The following PIK3C2G variants were observed in gnomAD, a reference collection of about 807,000 sequenced individuals.
The protein encoded by PIK3C2G is phosphatidylinositol-4-phosphate 3-kinase catalytic subunit type 2 gamma.
In PIK3C2G, 168 loss-of-function variants were observed where a neutral mutation model predicts 181.1. The ratio of observed to expected loss-of-function variants is 0.93; its 90% CI spans 0.82 to 1.05. PIK3C2G has a LOEUF of 1.05. Among genes scored for constraint, PIK3C2G ranks in the 50% least tolerant of loss-of-function variants. The probability of loss-of-function intolerance (pLI) is 0.00; values close to 1 mark genes in which losing one functional copy is unlikely to be tolerated. For synonymous variants in PIK3C2G, 573 were observed against 592.2 expected, an observed-to-expected ratio of 0.97 and a Z score of 0.47; for missense variants, 1,869 against 1,732.8, an observed-to-expected ratio of 1.08 and a Z score of -1.40.
At chr12:18,661,029 G>A in the PIK3C2G span, among the ~76,000 whole-genome samples, 1 of 152,090 alleles carries the variant, frequency 6.6e-6, no homozygotes, top group Admixed American at 6.6e-5. Context: ...AAATTCACTA[G>A]AAGAATTGAA....
intron 12 of PIK3C2G, chr12:18,363,165 G>C (rs1319027856): frequency 5.0e-6 from 1 of 201,456 alleles, no homozygotes; most frequent in Non-Finnish European, 9.9e-6. Context: ...TTCACACACT[G>C]TGCATATCAG....
intron 18 of PIK3C2G, among the ~76,000 whole-genome samples, chr12:18,459,819 T>A (rs532948917): frequency 6.6e-6 from 1 of 152,298 alleles, no homozygotes; most frequent in African/African-American, 2.4e-5. Flanking sequence ...TGGAGTGCAG[T>A]GGCCCAATCT....
chr12:18,437,173 T>C (rs1946495928), intron 18 of PIK3C2G, among the ~76,000 whole-genome samples: 1 of 151,972 alleles, frequency 6.6e-6, no homozygotes, highest in African/African-American at 2.4e-5. Context: ...ATCTTAATTT[T>C]TTGTATCTTT....
intron 18 of PIK3C2G, among the ~76,000 whole-genome samples, chr12:18,437,288 A>C (rs1946501499): frequency 1.3e-5 from 2 of 152,024 alleles, no homozygotes; most frequent in Non-Finnish European, 2.9e-5. Flanking sequence ...ATTTATAAGA[A>C]AATGACAGTT....
chr12:18,572,347 A>G (rs1945992196), intron 29 of PIK3C2G, among the ~76,000 whole-genome samples: 1 of 147,810 alleles, frequency 6.8e-6, no homozygotes, highest in African/African-American at 2.5e-5. Context: ...ATTATATAAA[A>G]TATATATAAA....
intron 7 of PIK3C2G, among the ~76,000 whole-genome samples, chr12:18,324,831 G>A (rs7970755): frequency 0.042 from 6,318 of 152,192 alleles, 466 homozygotes; most frequent in African/African-American, 0.15. Context: ...AAGACTTTCA[G>A]ATATGTTTGT....
chr12:18,339,393 G>A (rs773887064), intron 9 of PIK3C2G, among the ~76,000 whole-genome samples: 5 of 152,052 alleles, frequency 3.3e-5, no homozygotes, highest in Non-Finnish European at 5.9e-5. Flanking sequence ...GTATTTTAAT[G>A]TTCATTTCAC....
intron 18 of PIK3C2G, among the ~76,000 whole-genome samples, chr12:18,460,569 G>A (rs900057911): frequency 1.1e-4 from 17 of 147,896 alleles, no homozygotes; most frequent in Non-Finnish European, 2.1e-4. Context: ...GCAAGACTCC[G>A]TCTCAAAAAA....
the PIK3C2G span, chr12:18,712,774 T>G: frequency 6.4e-7 from 1 of 1,561,562 alleles, no homozygotes. Flanking sequence ...CATTATAGGA[T>G]TTTGAAGCAA....
chr12:18,642,031 G>A (rs1217868030), intron 32 of PIK3C2G, among the ~76,000 whole-genome samples: 3 of 152,140 alleles, frequency 2.0e-5, no homozygotes, highest in African/African-American at 7.2e-5. Flanking sequence ...TTACAGGCGT[G>A]AGCCACCATG....
At chr12:18,439,588 G>A (rs1349203286) in intron 18 of PIK3C2G, among the ~76,000 whole-genome samples, 1 of 151,984 alleles carries the variant, frequency 6.6e-6, no homozygotes, top group African/African-American at 2.4e-5. Flanking sequence ...ACTCATGTAT[G>A]TATCTGGGGT....
In PIK3C2G at chr12:18,281,772, G is replaced by T. The variant is rs572963158; in HGVS notation, c.-78-232G>T. 7.4e-4 allele frequency among the ~76,000 whole-genome samples: 112 copies of T among 152,066 alleles called. No homozygotes were observed. The South Asian group carries it at 0.021, about 28-fold the overall frequency. On this transcript the variant is annotated intron_variant, in intron 1 of 32. Transcript: ENST00000538779. ...ATGAAACTTTCATTAAAATTGACGT[G>T]AACTTATTTTTCTATCACAGGAGTT... is the stretch of plus-strand genomic sequence containing the variant.
Position 18,376,104 on chromosome 12 carries a change from A to G in PIK3C2G, c.1880+4793A>G, listed in dbSNP as rs183836014. On this transcript the variant is annotated intron_variant, in intron 13 of 32. Coordinates refer to ENST00000538779, the MANE Select transcript of PIK3C2G (RefSeq NM_001288772.2). ...AAATATGGGGTTGGATTCCTCACAG[A>G]GTCCTTACTGGGGCACTGCATAGTA... Among the ~76,000 whole-genome samples, 3 of 152,322 alleles carry G rather than the reference A, an allele frequency of 2.0e-5. No homozygotes were observed. In the East Asian group the frequency reaches 5.8e-4, roughly 29 times the overall value.
chr12:18,425,942 A>C (rs2135730241), intron 18 of PIK3C2G, among the ~76,000 whole-genome samples: 1 of 152,328 alleles, frequency 6.6e-6, no homozygotes. Context: ...TTGGATAAAT[A>C]ACTTGAATGC....
chr12:18,574,939 A>C (rs1198008478), intron 29 of PIK3C2G, among the ~76,000 whole-genome samples: 1 of 152,200 alleles, frequency 6.6e-6, no homozygotes, highest in Non-Finnish European at 1.5e-5. Context: ...GAAATTTAAA[A>C]ATATATCAAT....
intron 1 of PIK3C2G, among the ~76,000 whole-genome samples, chr12:18,265,003 T>C (rs1183800639): frequency 6.6e-6 from 1 of 152,240 alleles, no homozygotes; most frequent in Non-Finnish European, 1.5e-5. Context: ...CTTAGAGTCT[T>C]CATGATAACA....
intron 16 of PIK3C2G, among the ~76,000 whole-genome samples, chr12:18,408,183 T>G (rs1336510480): frequency 6.6e-6 from 1 of 152,144 alleles, no homozygotes; most frequent in Non-Finnish European, 1.5e-5. Flanking sequence ...CTTCTAGGGT[T>G]TTTATGGTTT....
rs552704015 is a variant in PIK3C2G, at chr12:18,510,465, G to A, written c.3323+5004G>A. Among the ~76,000 whole-genome samples, 23 of 152,252 alleles carry A rather than the reference G, an allele frequency of 1.5e-4. No individual in the cohort carries two copies. In the East Asian group the frequency reaches 4.1e-3, roughly 27 times the overall value. ...GATAATTACATGCTCTCATAAAGCA[G>A]GAGAAATTGAGAAAAACATTTATTA... On this transcript the variant is annotated intron_variant, in intron 24 of 32. Coordinates refer to ENST00000538779, the MANE Select transcript of PIK3C2G (RefSeq NM_001288772.2).
the PIK3C2G span, among the ~76,000 whole-genome samples, chr12:18,673,911 G>C: frequency 1.3e-5 from 2 of 152,276 alleles, no homozygotes; most frequent in African/African-American, 4.8e-5. Flanking sequence ...ATCATAGTGT[G>C]CAAGCCAAGA....
Sources: allele counts gnomAD v4.1 joint callset (sites outside exome capture counted in the v4.1 genomes callset), GRCh38; gene constraint gnomAD v4.1.1; transcripts MANE v1.5; gene names NCBI Gene and HGNC (gene_info 2026-07-23, HGNC 2026-07-21).